Variants in BCAS3 observed in about 807,000 individuals in gnomAD.
BCAS3 encodes the protein BCAS3 microtubule associated cell migration factor, also known as BCAS4/BCAS3 fusion.
In BCAS3, 53 loss-of-function variants were observed where a neutral mutation model predicts 116.1. That is an observed-to-expected ratio of 0.46 (90% CI 0.37 to 0.57). BCAS3 has a LOEUF of 0.57. Ranked by LOEUF, BCAS3 falls within the 20% of genes least tolerant of loss-of-function variation. The pLI is 0.00. For synonymous variants in BCAS3, 391 were observed against 408.2 expected (o/e 0.96, Z 0.51); for missense variants, 917 against 1,165.4 (o/e 0.79, Z 3.10).
intron 7 of BCAS3, among the ~76,000 whole-genome samples, chr17:60,817,417 A>G (rs1200781765): frequency 6.6e-6 from 1 of 152,214 alleles, no homozygotes. Context: ...CAAATGAGTA[A>G]CATTATTCAA....
At chr17:61,318,247 G>A (rs1415038370) in intron 22 of BCAS3, among the ~76,000 whole-genome samples, 1 of 152,220 alleles carries the variant, frequency 6.6e-6, no homozygotes, top group Non-Finnish European at 1.5e-5. Context: ...GTGGCCCAAA[G>A]TTACTGAGGG....
chr17:61,182,787 C>A (rs1601773628), intron 22 of BCAS3, among the ~76,000 whole-genome samples: 1 of 152,196 alleles, frequency 6.6e-6, no homozygotes. Flanking sequence ...GGCTTGCTGG[C>A]CTAATGTTTT....
intron 14 of BCAS3, among the ~76,000 whole-genome samples, chr17:60,974,850 A>G (rs2062194404): frequency 6.6e-6 from 1 of 152,204 alleles, no homozygotes; most frequent in Non-Finnish European, 1.5e-5. Flanking sequence ...GAGGATTCCC[A>G]GATTAAGTTA....
chr17:61,306,208 G>T (rs999272172), intron 22 of BCAS3, among the ~76,000 whole-genome samples: 6 of 152,242 alleles, frequency 3.9e-5, no homozygotes, highest in African/African-American at 1.4e-4. Context: ...GTTGGCAACA[G>T]TGTGATCTTG....
chr17:61,096,629 G>A (rs1472613504), intron 22 of BCAS3, among the ~76,000 whole-genome samples: 6 of 152,038 alleles, frequency 3.9e-5, no homozygotes, highest in Admixed American at 3.9e-4. Flanking sequence ...AGAATCTCTT[G>A]GATTTTCTAC....
intron 7 of BCAS3, chr17:60,810,370 G>A: frequency 2.2e-6 from 1 of 448,434 alleles, no homozygotes; most frequent in Non-Finnish European, 4.3e-6. Flanking sequence ...GGGGATGGCG[G>A]GGGGTCTGGC....
intron 22 of BCAS3, among the ~76,000 whole-genome samples, chr17:61,317,306 A>T (rs910623078): frequency 3.9e-5 from 6 of 152,248 alleles, no homozygotes; most frequent in African/African-American, 1.4e-4. Flanking sequence ...CACCCAGGAC[A>T]CACAATATAC....
At chr17:60,870,000 G>A (rs754001458) in intron 8 of BCAS3, among the ~76,000 whole-genome samples, 23 of 152,078 alleles carry the variant, frequency 1.5e-4, no homozygotes, top group Non-Finnish European at 2.6e-4. Flanking sequence ...ATTTTAAAGA[G>A]GAAATCAAAA....
chr17:61,284,384 C>T (rs1476032129), intron 22 of BCAS3, among the ~76,000 whole-genome samples: 2 of 152,156 alleles, frequency 1.3e-5, no homozygotes, highest in African/African-American at 4.8e-5. Context: ...TGGCTTCATT[C>T]CTGAGAATGA....
At chr17:60,894,370 A>T (rs79771286) in intron 10 of BCAS3, among the ~76,000 whole-genome samples, 26,180 of 151,982 alleles carry the variant, frequency 0.17, 2,571 homozygotes, top group African/African-American at 0.27. Flanking sequence ...CTAGATCATT[A>T]TTGGTGTATA....
rs1725187892 is a variant in BCAS3 at position 61,338,824 on chromosome 17, T to A, written c.2426-29503T>A. On this transcript the variant is annotated intron_variant, in intron 22 of 23. Transcript: ENST00000407086. ...TGTGACACTGAAAAGTTATTTTTTT[T>A]CAGTGTCCCAAGGCAAATTCTTATC... 2.0e-5 allele frequency among the ~76,000 whole-genome samples: 3 copies of A among 150,506 alleles called. No individual in the cohort carries two copies. The Admixed American group carries it at 2.0e-4, about 10-fold the overall frequency.
At chr17:60,917,886 C>T (rs897079471) in intron 12 of BCAS3, among the ~76,000 whole-genome samples, 1 of 152,174 alleles carries the variant, frequency 6.6e-6, no homozygotes, top group Non-Finnish European at 1.5e-5. Context: ...AGCTACCGTG[C>T]CCCGCCACCT....
intron 6 of BCAS3, among the ~76,000 whole-genome samples, chr17:60,773,828 T>C (rs1358424800): frequency 2.0e-5 from 3 of 152,026 alleles, no homozygotes; most frequent in Non-Finnish European, 4.4e-5. Flanking sequence ...TTGTATTTTT[T>C]TGGAGACAGG....
intron 22 of BCAS3, among the ~76,000 whole-genome samples, chr17:61,133,530 A>G (rs2076449897): frequency 6.6e-6 from 1 of 152,192 alleles, no homozygotes; most frequent in African/African-American, 2.4e-5. Flanking sequence ...ATTCCGTGCA[A>G]ATTTCAACCA....
intron 5 of BCAS3, among the ~76,000 whole-genome samples, chr17:60,731,374 A>G (rs1323857092): frequency 6.6e-6 from 1 of 152,032 alleles, no homozygotes; most frequent in Non-Finnish European, 1.5e-5. Flanking sequence ...CATTACGCCC[A>G]GCTAATTTTT....
chr17:60,892,748 C>T (rs946705306), intron 10 of BCAS3, among the ~76,000 whole-genome samples: 3 of 151,972 alleles, frequency 2.0e-5, no homozygotes, highest in Non-Finnish European at 2.9e-5. Context: ...TAGTGAAACC[C>T]TGTCTCTACT....
chr17:60,700,841 A>G (rs184324461), intron 4 of BCAS3, among the ~76,000 whole-genome samples: 36 of 152,310 alleles, frequency 2.4e-4, no homozygotes, highest in African/African-American at 8.4e-4. Flanking sequence ...ATTAGTGGTG[A>G]CCAGAAATGG....
chr17:61,260,228 A>G (rs2049084840), intron 22 of BCAS3, among the ~76,000 whole-genome samples: 1 of 152,238 alleles, frequency 6.6e-6, no homozygotes, highest in South Asian at 2.1e-4. Context: ...TTCCCAGGAC[A>G]TTAATTCAGG....
Position 61,249,433 on chromosome 17 carries a change from T to G in BCAS3, c.2426-118894T>G, listed in dbSNP as rs1449907561. Among the ~76,000 whole-genome samples the G allele has an allele frequency of 1.3e-5, 2 of 152,220 alleles. No individual in the cohort carries two copies. Among genetic ancestry groups the G allele is most frequent in the Non-Finnish European group, 1.5e-5 (1 of 68,032 alleles). ...AAACTAGGATGAGAAAAGTTAATTT[T>G]AATCCTCCAAAGGCTTATTTGCTAG... is the stretch of plus-strand genomic sequence containing the variant. On this transcript the variant is annotated intron_variant, in intron 22 of 23. Transcript: ENST00000407086. This position sits in a 1 kb window ranked among gnomAD's most constrained non-coding sequence, Gnocchi z 6.2.
Sources: allele counts gnomAD v4.1 joint callset (sites outside exome capture counted in the v4.1 genomes callset), GRCh38; gene constraint gnomAD v4.1.1; non-coding constraint Gnocchi (gnomAD v3.1); transcripts MANE v1.5; gene names NCBI Gene and HGNC (gene_info 2026-07-23, HGNC 2026-07-21).